KCNB2: variants seen among roughly 807,000 people sequenced by gnomAD.
The protein encoded by KCNB2 is delayed rectifier potassium channel protein.
A neutral mutation model predicts 61.5 loss-of-function variants in KCNB2; 15 were observed. The observed-to-expected ratio is 0.24, with a 90% confidence interval of 0.16 to 0.38. KCNB2 has a LOEUF of 0.38. Ranked by LOEUF, KCNB2 falls within the 10% of genes least tolerant of loss-of-function variation. The pLI is 1.00. For missense variants in KCNB2, 828 were observed against 1,125.2 expected (o/e 0.74, Z 3.78); for synonymous variants, 457 against 446.0 (o/e 1.02, Z -0.31).
chr8:72,782,451 C>A (rs1808776603), intron 2 of KCNB2, among the ~76,000 whole-genome samples: 1 of 152,136 alleles, frequency 6.6e-6, no homozygotes, highest in African/African-American at 2.4e-5. Flanking sequence ...CGTTTGCTGG[C>A]TCTGGGTCTC....
At chr8:72,631,043 G>A (rs1011842366) in intron 2 of KCNB2, among the ~76,000 whole-genome samples, 3 of 152,000 alleles carry the variant, frequency 2.0e-5, no homozygotes, top group African/African-American at 7.2e-5. Flanking sequence ...AAGTTTAATT[G>A]ATAAATTAGG....
At chr8:72,831,322 A>T (rs563109878) in intron 2 of KCNB2, among the ~76,000 whole-genome samples, 1 of 152,374 alleles carries the variant, frequency 6.6e-6, no homozygotes, top group African/African-American at 2.4e-5. Context: ...CCAAAGAGAA[A>T]GAGTTGTTTC....
chr8:72,589,172 A>G (rs545729215), intron 2 of KCNB2, among the ~76,000 whole-genome samples: 29 of 152,294 alleles, frequency 1.9e-4, no homozygotes, highest in African/African-American at 6.7e-4. Flanking sequence ...CCAAAACAGT[A>G]TAAGGTGACC....
chr8:72,587,087 G>A (rs897688300), intron 2 of KCNB2, among the ~76,000 whole-genome samples: 2 of 152,288 alleles, frequency 1.3e-5, no homozygotes, highest in Middle Eastern at 6.8e-3. Flanking sequence ...CAGTTCTTGA[G>A]ATTTTTTTCC....
At chr8:72,854,692 G>A (rs1810176772) in intron 2 of KCNB2, among the ~76,000 whole-genome samples, 1 of 152,082 alleles carries the variant, frequency 6.6e-6, no homozygotes, top group South Asian at 2.1e-4. Flanking sequence ...GTCAGAGGAA[G>A]CTTCCCAAAA....
intron 2 of KCNB2, among the ~76,000 whole-genome samples, chr8:72,653,212 C>T (rs1469090104): frequency 6.6e-6 from 1 of 152,164 alleles, no homozygotes; most frequent in Non-Finnish European, 1.5e-5. Flanking sequence ...AGGTCATATT[C>T]TGAGGTTCTC....
intron 2 of KCNB2, among the ~76,000 whole-genome samples, chr8:72,712,060 T>G (rs1049778750): frequency 5.9e-5 from 9 of 152,230 alleles, no homozygotes; most frequent in African/African-American, 2.2e-4. Context: ...TGTTACTTAT[T>G]CTAAATGTAT....
intron 2 of KCNB2, among the ~76,000 whole-genome samples, chr8:72,771,506 G>A (rs1044269468): frequency 6.6e-6 from 1 of 152,120 alleles, no homozygotes; most frequent in Non-Finnish European, 1.5e-5. Context: ...ATTAATTACG[G>A]TGAGGTCAGC....
chr8:72,751,940 AAGTGT>A (rs1181768627), intron 2 of KCNB2: 2 of 152,206 alleles, frequency 1.3e-5, no homozygotes, highest in Non-Finnish European at 2.9e-5. Flanking sequence ...CAACAACTTT[AAGTGT>A]CTTCTTTAGA....
At chr8:72,659,933 T>G (rs1349619063) in intron 2 of KCNB2, among the ~76,000 whole-genome samples, 1 of 152,222 alleles carries the variant, frequency 6.6e-6, no homozygotes, top group African/African-American at 2.4e-5. Context: ...TATTTTTACT[T>G]TATCGTGGTG....
At chr8:72,561,726 TA>T (rs1806524283) in intron 1 of KCNB2, among the ~76,000 whole-genome samples, 1 of 17,304 alleles carries the variant, frequency 5.8e-5, no homozygotes, top group African/African-American at 6.3e-4. Context: ...TATATATATA[TA>T]TCTATATCTA....
intron 2 of KCNB2, among the ~76,000 whole-genome samples, chr8:72,599,901 C>T (rs1807265581): frequency 6.6e-6 from 1 of 152,170 alleles, no homozygotes; most frequent in South Asian, 2.1e-4. Context: ...AATGAGATAC[C>T]ATCTCACACC....
At chr8:72,739,323 A>G (rs1807904455) in intron 2 of KCNB2, among the ~76,000 whole-genome samples, 1 of 151,968 alleles carries the variant, frequency 6.6e-6, no homozygotes, top group Non-Finnish European at 1.5e-5. Context: ...ACTGGGGACA[A>G]AAATATCAAT....
At chr8:72,681,448 C>T (rs1043741282) in intron 2 of KCNB2, among the ~76,000 whole-genome samples, 2 of 152,118 alleles carry the variant, frequency 1.3e-5, no homozygotes, top group African/African-American at 4.8e-5. Context: ...TGTTTTCCAT[C>T]TTCACATCTT....
chr8:72,818,716 A>G (rs1013229168), intron 2 of KCNB2, among the ~76,000 whole-genome samples: 6 of 152,214 alleles, frequency 3.9e-5, no homozygotes, highest in Non-Finnish European at 8.8e-5. Context: ...GTAGCCTAAA[A>G]TAAAATTCTT....
intron 1 of KCNB2, among the ~76,000 whole-genome samples, chr8:72,563,316 G>A (rs1806565682): frequency 6.6e-6 from 1 of 152,156 alleles, no homozygotes; most frequent in South Asian, 2.1e-4. Context: ...CACTTAATGG[G>A]TGAAGAAATT....
intron 2 of KCNB2, among the ~76,000 whole-genome samples, chr8:72,572,332 A>G (rs1233732400): frequency 2.6e-5 from 4 of 152,190 alleles, no homozygotes; most frequent in Admixed American, 1.3e-4. Flanking sequence ...GAACATAAGC[A>G]GCCCTTATTG....
At chr8:72,752,723 C>T (rs527804819) in intron 2 of KCNB2, among the ~76,000 whole-genome samples, 6 of 152,172 alleles carry the variant, frequency 3.9e-5, no homozygotes, top group Non-Finnish European at 2.9e-5. Context: ...ATGCATATAT[C>T]GATATAGATA....
chr8:72,794,762 T>C (rs1809003214), intron 2 of KCNB2, among the ~76,000 whole-genome samples: 1 of 152,034 alleles, frequency 6.6e-6, no homozygotes, highest in South Asian at 2.1e-4. Flanking sequence ...CAGCACAAGA[T>C]TGAGGTGAGA....
Sources: allele counts gnomAD v4.1 joint callset (sites outside exome capture counted in the v4.1 genomes callset), GRCh38; gene constraint gnomAD v4.1.1; transcripts MANE v1.5; gene names NCBI Gene and HGNC (gene_info 2026-07-23, HGNC 2026-07-21).